The following GARNL3 variants were observed in gnomAD, a reference collection of about 807,000 sequenced individuals.
GARNL3 encodes the protein GTPase activating Rap/RanGAP domain like 3.
GARNL3 carries 63 observed loss-of-function variants against 125.0 expected under a neutral mutation model. That is an observed-to-expected ratio of 0.50 (90% CI 0.41 to 0.62). The LOEUF (loss-of-function observed/expected upper bound fraction) is 0.62, where lower values mean the gene tolerates loss of function less well. Ranked by LOEUF, GARNL3 falls within the 20% of genes least tolerant of loss-of-function variation. GARNL3 has a pLI of 0.00. For synonymous variants in GARNL3, 439 were observed against 457.5 expected (o/e 0.96, Z 0.52); for missense variants, 994 against 1,244.0 (o/e 0.80, Z 3.02).
At position 127,229,075 on chromosome 9, in the gene GARNL3, C is replaced by T. The variant is rs192760101; in HGVS notation, c.-29+4737C>T. The stretch of plus-strand genomic sequence containing the variant: ...CTGACCTCAAGTGATCCACCCGTCT[C>T]GGCCTCCCAAAGTGCTGGGATTACA... On this transcript the variant is annotated intron_variant, in intron 1 of 10. Coordinates refer to the GARNL3 transcript ENST00000439286. 1.4e-3 allele frequency among the ~76,000 whole-genome samples: 215 copies of T among 152,314 alleles called. 1 individual carries two copies. Among genetic ancestry groups the T allele is most frequent in the East Asian group, 6.0e-3 (31 of 5,190 alleles).
At chr9:127,325,299 A>G (rs995306514) in intron 7 of GARNL3, among the ~76,000 whole-genome samples, 1 of 152,228 alleles carries the variant, frequency 6.6e-6, no homozygotes, top group African/African-American at 2.4e-5. Context: ...CTATAAAGCT[A>G]TGAAAACAAT....
chr9:127,360,157 G>A (rs1267153284), intron 21 of GARNL3, among the ~76,000 whole-genome samples: 1 of 152,020 alleles, frequency 6.6e-6, no homozygotes, highest in African/African-American at 2.4e-5. Context: ...ACGAGTAGCT[G>A]GGATTACAGG....
intron 21 of GARNL3, among the ~76,000 whole-genome samples, chr9:127,360,647 G>A (rs1356150730): frequency 6.6e-6 from 1 of 152,188 alleles, no homozygotes; most frequent in African/African-American, 2.4e-5. Context: ...AGGGCAGTGG[G>A]GACAGGAGAG....
intron 21 of GARNL3, among the ~76,000 whole-genome samples, chr9:127,359,784 T>A (rs1254192222): frequency 6.6e-6 from 1 of 152,224 alleles, no homozygotes; most frequent in Non-Finnish European, 1.5e-5. Flanking sequence ...TTCTTTTATA[T>A]GGTGGTTTTT....
chr9:127,250,262 T>C (rs571463239), intron 2 of GARNL3, among the ~76,000 whole-genome samples: 6 of 152,230 alleles, frequency 3.9e-5, no homozygotes, highest in Non-Finnish European at 7.3e-5. Flanking sequence ...GACTTTTTCC[T>C]GTACAGCCTT....
intron 4 of GARNL3, among the ~76,000 whole-genome samples, chr9:127,313,798 T>G (rs1287128622): frequency 6.6e-6 from 1 of 152,218 alleles, no homozygotes. Flanking sequence ...AATTACCGCA[T>G]TCTAGTCTCT....
At chr9:127,333,709 A>G (rs1829393518) in intron 9 of GARNL3, among the ~76,000 whole-genome samples, 1 of 152,274 alleles carries the variant, frequency 6.6e-6, no homozygotes. Context: ...AGAAAAGAAC[A>G]TGTTGTGTTC....
intron 1 of GARNL3, among the ~76,000 whole-genome samples, chr9:127,230,030 A>G (rs1419112090): frequency 6.6e-6 from 1 of 152,226 alleles, no homozygotes; most frequent in Non-Finnish European, 1.5e-5. Context: ...GTGAGAGACT[A>G]GCTGGGAAAC....
At chr9:127,382,442 GTC>G (rs1386200017) in intron 22 of GARNL3, among the ~76,000 whole-genome samples, 2 of 151,734 alleles carry the variant, frequency 1.3e-5, no homozygotes, top group African/African-American at 4.8e-5. Context: ...CATAGACCTT[GTC>G]TCTACTGAAA....
rs139087224 is a variant in GARNL3 at position 127,269,616 on chromosome 9, G to A, written c.144+4595G>A. On this transcript the variant is annotated intron_variant, in intron 1 of 27. Coordinates refer to ENST00000373387, the MANE Select transcript of GARNL3 (RefSeq NM_032293.5). ...TTTTAAAATAATAGTCATTGTAATA[G>A]TATGAAGTGGTATCTCATTGTGGCT... Among the ~76,000 whole-genome samples, 369 of 152,248 alleles carry A rather than the reference G, an allele frequency of 2.4e-3. 3 individuals carry two copies. Among genetic ancestry groups the A allele is most frequent in the African/African-American group, 8.5e-3 (355 of 41,546 alleles).
intron 2 of GARNL3, among the ~76,000 whole-genome samples, chr9:127,301,823 C>T (rs150088139): frequency 1.3e-5 from 2 of 150,832 alleles, no homozygotes; most frequent in African/African-American, 4.9e-5. Context: ...TCACTGGGGA[C>T]CTCCCTTACA....
chr9:127,299,995 T>C, intron 2 of GARNL3: 1 of 215,800 alleles, frequency 4.6e-6, no homozygotes, highest in Non-Finnish European at 9.5e-6. Flanking sequence ...TGAGCCACCA[T>C]GTCCGGCCAT....
chr9:127,310,619 C>A (rs1489003388), intron 2 of GARNL3, among the ~76,000 whole-genome samples: 1 of 151,792 alleles, frequency 6.6e-6, no homozygotes, highest in Admixed American at 6.6e-5. Context: ...ACTAAAAATA[C>A]AAAAATTAGC....
At chr9:127,387,078 C>T in intron 24 of GARNL3, 115 bp from the exon 25 acceptor site, 1 of 1,139,508 alleles carries the variant, frequency 8.8e-7, no homozygotes, top group Non-Finnish European at 1.3e-6. Flanking sequence ...CCGCACTGCA[C>T]TGTATGCTCC....
intron 1 of GARNL3, among the ~76,000 whole-genome samples, chr9:127,284,923 A>G (rs1212134475): frequency 1.3e-5 from 2 of 152,148 alleles, no homozygotes; most frequent in South Asian, 2.1e-4. Context: ...ATGGCACACT[A>G]TATCACTGAA....
At chr9:127,361,465 A>C (rs4466498) in intron 21 of GARNL3, among the ~76,000 whole-genome samples, 83,790 of 152,002 alleles carry the variant, frequency 0.55, 23,523 homozygotes, top group East Asian at 0.73. Context: ...ATGTCCTACA[A>C]CAGACCTGCC....
upstream of GARNL3, among the ~76,000 whole-genome samples, chr9:127,263,416 C>G (rs2063633452): frequency 1.3e-5 from 2 of 152,142 alleles, no homozygotes; most frequent in South Asian, 4.1e-4. Context: ...AGCATTTAGT[C>G]AACAGCCATT....
rs530783919 is a variant in GARNL3 at position 127,266,212 on chromosome 9, A to G, written c.144+1191A>G. 6.8e-4 allele frequency among the ~76,000 whole-genome samples: 103 copies of G among 152,338 alleles called. No homozygotes were observed. Among genetic ancestry groups the G allele is most frequent in the African/African-American group, 2.4e-3 (98 of 41,568 alleles). ...TTGGTACTGTGAAAGAGATGCATGTAGAGCACCACGGGGGTTCAGAGAAGG... is the reference window on the plus strand; with the variant it reads ...TTGGTACTGTGAAAGAGATGCATGTGGAGCACCACGGGGGTTCAGAGAAGG... On this transcript the variant is annotated intron_variant, in intron 1 of 27. Transcript: ENST00000373387. This position sits in a 1 kb window ranked among gnomAD's most constrained non-coding sequence, Gnocchi z 4.0.
At chr9:127,325,022 T>G (rs1473418083) in intron 6 of GARNL3, 47 bp from the exon 7 acceptor site, 1 of 1,576,762 alleles carries the variant, frequency 6.3e-7, no homozygotes, top group South Asian at 1.1e-5. Flanking sequence ...CAAAATGAAA[T>G]AATTACTGTT....
Sources: allele counts gnomAD v4.1 joint callset (sites outside exome capture counted in the v4.1 genomes callset), GRCh38; gene constraint gnomAD v4.1.1; non-coding constraint Gnocchi (gnomAD v3.1); transcripts MANE v1.5; gene names NCBI Gene and HGNC (gene_info 2026-07-23, HGNC 2026-07-21).